The following GRM5 variants were observed in gnomAD, a reference collection of about 807,000 sequenced individuals.
GRM5 encodes the protein glutamate metabotropic receptor 5, also known as metabotropic glutamate receptor 5.
In GRM5, 19 loss-of-function variants were observed where a neutral mutation model predicts 83.1. The observed-to-expected ratio is 0.23, with a 90% CI of 0.16 to 0.34. The LOEUF is 0.34. Among genes scored for constraint, GRM5 ranks in the 10% least tolerant of loss-of-function variants. GRM5 has a pLI of 1.00. For synonymous variants in GRM5, 675 were observed against 633.6 expected (o/e 1.07, Z -0.98); for missense variants, 1,160 against 1,588.3 (o/e 0.73, Z 4.58).
At chr11:89,060,679 A>G (rs886733503) in intron 1 of GRM5, among the ~76,000 whole-genome samples, 6 of 152,174 alleles carry the variant, frequency 3.9e-5, no homozygotes, top group Admixed American at 3.9e-4. Flanking sequence ...GATGATTCAG[A>G]AAGGTAAAAT....
intron 2 of GRM5, among the ~76,000 whole-genome samples, chr11:88,994,194 A>G (rs1460617910): frequency 6.6e-6 from 1 of 151,792 alleles, no homozygotes; most frequent in Non-Finnish European, 1.5e-5. Context: ...GATACATACA[A>G]GGAAAACAAT....
intron 2 of GRM5, among the ~76,000 whole-genome samples, chr11:89,032,583 A>C (rs191841524): frequency 1.0e-3 from 157 of 152,182 alleles, no homozygotes; most frequent in African/African-American, 3.7e-3. Flanking sequence ...GCAGGAACTA[A>C]CATTTTTGAA....
At chr11:88,734,404 A>G (rs1941868624) in intron 3 of GRM5, among the ~76,000 whole-genome samples, 1 of 152,010 alleles carries the variant, frequency 6.6e-6, no homozygotes, top group Non-Finnish European at 1.5e-5. Context: ...TACAGTAGCT[A>G]TGAAAAACAG....
intron 4 of GRM5, among the ~76,000 whole-genome samples, chr11:88,647,344 A>C (rs1003307922): frequency 4.2e-5 from 6 of 144,290 alleles, no homozygotes; most frequent in African/African-American, 1.5e-4. Context: ...CACTCCTTAA[A>C]AAAAGTATAA....
At chr11:88,963,879 C>T (rs1938861344) in intron 2 of GRM5, among the ~76,000 whole-genome samples, 1 of 152,014 alleles carries the variant, frequency 6.6e-6, no homozygotes, top group South Asian at 2.1e-4. Flanking sequence ...TGTCCTAATA[C>T]TTGGAAAGAA....
At chr11:88,829,181 G>GC (rs34325019) in intron 3 of GRM5, among the ~76,000 whole-genome samples, 74,870 of 151,974 alleles carry the variant, frequency 0.49, 21,696 homozygotes, top group African/African-American at 0.77. Flanking sequence ...CACTATGTTG[G>GC]CATGCTTGGT....
chr11:88,903,853 T>C (rs1260969206), intron 2 of GRM5, among the ~76,000 whole-genome samples: 2 of 152,186 alleles, frequency 1.3e-5, no homozygotes, highest in Non-Finnish European at 2.9e-5. Flanking sequence ...CGCTGTGCAA[T>C]TTAGGGATAT....
intron 3 of GRM5, among the ~76,000 whole-genome samples, chr11:88,783,187 C>G (rs888512279): frequency 1.3e-5 from 2 of 152,138 alleles, no homozygotes; most frequent in Non-Finnish European, 2.9e-5. Flanking sequence ...AGGGGTTTAA[C>G]TATCCCCTCT....
chr11:88,866,453 A>G (rs1944667358), intron 2 of GRM5, among the ~76,000 whole-genome samples: 1 of 152,024 alleles, frequency 6.6e-6, no homozygotes, highest in Non-Finnish European at 1.5e-5. Context: ...CCTAATGTAG[A>G]TGACAGGTTG....
Position 88,679,773 on chromosome 11 carries a change from G to A in GRM5, c.912-26370C>T, listed in dbSNP as rs148335512. On this transcript the variant is annotated intron_variant, in intron 3 of 9. Coordinates refer to ENST00000305447, the MANE Select transcript of GRM5 (RefSeq NM_001143831.3). ...GCAATATCTCTGTTGCTGTCACTTA[G>A]CTTCACCATACTTGATTTATATTAA... 3.3e-3 allele frequency among the ~76,000 whole-genome samples: 507 copies of A among 152,192 alleles called. 3 individuals are homozygous for A. The highest frequency in any genetic ancestry group is 5.6e-3 in the Admixed American group (86 of 15,256).
At chr11:88,970,906 C>G (rs1403275224) in intron 2 of GRM5, among the ~76,000 whole-genome samples, 1 of 152,142 alleles carries the variant, frequency 6.6e-6, no homozygotes, top group African/African-American at 2.4e-5. Context: ...TTTCTTCACC[C>G]TTCTTTCTGC....
chr11:89,057,148 A>G (rs1446729104), intron 1 of GRM5, among the ~76,000 whole-genome samples: 1 of 152,190 alleles, frequency 6.6e-6, no homozygotes, highest in African/African-American at 2.4e-5. Context: ...CACACAGCTC[A>G]GGACATAAAC....
intron 2 of GRM5, among the ~76,000 whole-genome samples, chr11:88,967,724 G>C (rs1939029973): frequency 1.3e-5 from 2 of 152,082 alleles, no homozygotes; most frequent in Admixed American, 6.6e-5. Context: ...CAGATAATAT[G>C]ATGAGTCCAA....
At chr11:88,876,416 T>C (rs536251705) in intron 2 of GRM5, among the ~76,000 whole-genome samples, 1 of 152,282 alleles carries the variant, frequency 6.6e-6, no homozygotes, top group South Asian at 2.1e-4. Flanking sequence ...ACTAAAACTT[T>C]CTCTGTATCT....
At position 88,508,739 on chromosome 11, in the gene GRM5, G is replaced by C. The variant is rs965658592; in HGVS notation, c.3492C>G (p.Thr1164=). 3.2e-6 allele frequency: 5 copies of C among 1,574,798 alleles called. No individual in the cohort carries two copies. Among genetic ancestry groups the C allele is most frequent in the East Asian group, 2.5e-5 (1 of 40,188 alleles). ...KPDLEELVAL[T]PPSPFRDSVD... ...CCGAGTCTCTGAAGGGGGACGGCGG[G>C]GTGAGAGCCACCAGCTCCTCCAGGT... Residue 1164 remains threonine, a synonymous_variant, in exon 10 of 10, where the codon ACC becomes ACG. Coordinates refer to ENST00000305447, the MANE Select transcript of GRM5 (RefSeq NM_001143831.3). The surrounding 1 kb of genome is among the most constrained non-coding windows in gnomAD (Gnocchi z 4.2).
At chr11:88,747,179 G>A (rs370969256) in intron 3 of GRM5, among the ~76,000 whole-genome samples, 2 of 152,128 alleles carry the variant, frequency 1.3e-5, no homozygotes, top group African/African-American at 2.4e-5. Context: ...TGGTAGTGAC[G>A]AGTTAAGGCT....
chr11:88,799,759 AAAAGTCAGAAGATTTC>A (rs768560653), intron 3 of GRM5, among the ~76,000 whole-genome samples: 51 of 152,302 alleles, frequency 3.3e-4, no homozygotes, highest in Non-Finnish European at 8.8e-5. Flanking sequence ...CTACGATAAT[AAAAGTCAGAAGATTTC>A]TCCTTTTTCT....
At chr11:88,838,760 A>T (rs1316672190) in intron 3 of GRM5, among the ~76,000 whole-genome samples, 1 of 152,248 alleles carries the variant, frequency 6.6e-6, no homozygotes, top group Non-Finnish European at 1.5e-5. Flanking sequence ...TAACAGATGG[A>T]GTAATACCTT....
At chr11:88,726,579 A>G (rs1941686269) in intron 3 of GRM5, among the ~76,000 whole-genome samples, 1 of 152,178 alleles carries the variant, frequency 6.6e-6, no homozygotes, top group South Asian at 2.1e-4. Context: ...ATCCCAAGAC[A>G]CATAATCGTC....
Sources: allele counts gnomAD v4.1 joint callset (sites outside exome capture counted in the v4.1 genomes callset), GRCh38; gene constraint gnomAD v4.1.1; non-coding constraint Gnocchi (gnomAD v3.1); transcripts MANE v1.5; gene names NCBI Gene and HGNC (gene_info 2026-07-23, HGNC 2026-07-21).